The following ST8SIA4 variants were observed in gnomAD, a reference collection of about 807,000 sequenced individuals.
The protein encoded by ST8SIA4 is ST8 alpha-N-acetyl-neuraminide alpha-2,8-sialyltransferase 4.
ST8SIA4 carries 15 observed loss-of-function variants against 33.9 expected under a neutral mutation model. The ratio of observed to expected loss-of-function variants is 0.44; its 90% CI spans 0.30 to 0.68. The LOEUF is 0.68. Among genes scored for constraint, ST8SIA4 ranks in the 30% least tolerant of loss-of-function variants. The probability of loss-of-function intolerance (pLI) is 0.10; values close to 1 mark genes in which losing one functional copy is unlikely to be tolerated. For missense variants in ST8SIA4, 321 were observed against 428.0 expected (o/e 0.75, Z 2.21); for synonymous variants, 171 against 151.2 (o/e 1.13, Z -0.96).
In ST8SIA4 at chr5:100,902,923, G is replaced by A; in HGVS notation, c.33C>T (p.Cys11=). MRSIRKRWTI[C]TISLLLIFYK... is the part of the protein sequence containing the mutation. ...AAAAGATCAGGAGCAGACTTATTGT[G>A]CAGATCGTCCACCTCTTCCTAATGG... is the stretch of plus-strand genomic sequence containing the variant. The change falls in exon 1 of 5, where the codon TGC becomes TGT. Residue 11 remains cysteine (C), a synonymous_variant. Transcript: ENST00000231461. 1 of 1,614,170 alleles carries A rather than the reference G, an allele frequency of 6.2e-7. No individual in the cohort carries two copies.
intron 2 of ST8SIA4, among the ~76,000 whole-genome samples, chr5:100,888,151 C>T (rs1378174204): frequency 6.6e-6 from 1 of 150,870 alleles, no homozygotes; most frequent in Non-Finnish European, 1.5e-5. Flanking sequence ...GTTATTTACA[C>T]CTGGAACTAA....
chr5:100,845,000 C>T (rs1302446498), intron 4 of ST8SIA4, among the ~76,000 whole-genome samples: 3 of 152,034 alleles, frequency 2.0e-5, no homozygotes, highest in African/African-American at 7.2e-5. Flanking sequence ...CATGGCAATT[C>T]TAGTGGTCAA....
chr5:100,818,003 G>T (rs935618597), intron 4 of ST8SIA4, among the ~76,000 whole-genome samples: 1 of 152,136 alleles, frequency 6.6e-6, no homozygotes, highest in Non-Finnish European at 1.5e-5. Context: ...TATATGTGGT[G>T]CTTTTTCATT....
At chr5:100,831,433 A>G (rs1320648749) in intron 4 of ST8SIA4, among the ~76,000 whole-genome samples, 1 of 152,208 alleles carries the variant, frequency 6.6e-6, no homozygotes, top group Non-Finnish European at 1.5e-5. Context: ...GACATAAAAC[A>G]TTTATCAATT....
intron 4 of ST8SIA4, among the ~76,000 whole-genome samples, chr5:100,812,656 A>G (rs755498186): frequency 7.2e-5 from 11 of 152,200 alleles, no homozygotes; most frequent in Non-Finnish European, 1.3e-4. Flanking sequence ...TTACTAAAGC[A>G]AATTAGAAGC....
intron 4 of ST8SIA4, among the ~76,000 whole-genome samples, chr5:100,852,395 C>A (rs1336151202): frequency 6.6e-6 from 1 of 150,924 alleles, no homozygotes; most frequent in Admixed American, 6.6e-5. Context: ...GTGTTGGGAT[C>A]ACAGGCATGA....
At chr5:100,859,870 A>C (rs1403462279) in intron 3 of ST8SIA4, among the ~76,000 whole-genome samples, 1 of 152,114 alleles carries the variant, frequency 6.6e-6, no homozygotes, top group East Asian at 1.9e-4. Context: ...AGGAGATCCC[A>C]CTTGCATTTA....
chr5:100,892,281 C>T (rs1429005380), intron 2 of ST8SIA4, among the ~76,000 whole-genome samples: 1 of 152,124 alleles, frequency 6.6e-6, no homozygotes, highest in African/African-American at 2.4e-5. Context: ...TTATTCACAA[C>T]ATTTAATGCA....
At chr5:100,826,823 T>C (rs1186995553) in intron 4 of ST8SIA4, among the ~76,000 whole-genome samples, 2 of 151,902 alleles carry the variant, frequency 1.3e-5, no homozygotes, top group Non-Finnish European at 2.9e-5. Context: ...ATAACATGTA[T>C]AGTTATATGT....
intron 3 of ST8SIA4, among the ~76,000 whole-genome samples, chr5:100,881,098 A>G (rs1433980588): frequency 1.3e-5 from 2 of 152,208 alleles, no homozygotes; most frequent in Non-Finnish European, 2.9e-5. Flanking sequence ...CATGTAGGAA[A>G]TTCACCAACA....
At chr5:100,850,216 C>G (rs1221241856) in intron 4 of ST8SIA4, among the ~76,000 whole-genome samples, 1 of 151,822 alleles carries the variant, frequency 6.6e-6, no homozygotes, top group East Asian at 1.9e-4. Flanking sequence ...TGGTAAATAA[C>G]TTTAGAATTA....
rs1415785787 is a variant in ST8SIA4, at chr5:100,807,035, A to G, written c.*4812T>C. On this transcript the variant is annotated 3_prime_UTR_variant, in exon 5 of 5. Coordinates refer to ENST00000231461, the MANE Select transcript of ST8SIA4 (RefSeq NM_005668.6). ...ATTCATGGGGTTTTTGACATTGTTC[A>G]TATTCCCATGTATACACTTAAAAAT... 6.6e-6 allele frequency: 1 copy of G among 152,088 alleles called. No individual in the cohort carries two copies. 9.4% of individuals were successfully genotyped at this position (152,088 alleles called of 1,614,324 possible). A position where few individuals can be genotyped will look rare whatever the true frequency, so the allele number is the denominator to read the frequency against.
At position 100,807,421 on chromosome 5, in the gene ST8SIA4, T is replaced by G. The variant is rs563967543; in HGVS notation, c.*4426A>C. 8 of 152,646 alleles carry G rather than the reference T, an allele frequency of 5.2e-5. No homozygotes were observed. In the South Asian group the frequency reaches 1.7e-3, roughly 32 times the overall value. 9.5% of individuals were successfully genotyped at this position (152,646 alleles called of 1,614,324 possible). On this transcript the variant is annotated 3_prime_UTR_variant, in exon 5 of 5. Transcript: ENST00000231461. ...TCTGTAAACTCTTTTTTTTTCCTGC[T>G]ATTTACATTTGAAACACTTGTGCTT...
chr5:100,890,695 C>A (rs974700531), intron 2 of ST8SIA4: 1 of 151,846 alleles, frequency 6.6e-6, no homozygotes, highest in African/African-American at 2.4e-5. Context: ...CTTTAACTGT[C>A]ATTTTGTGAT....
At position 100,896,976 on chromosome 5, in the gene ST8SIA4, A is replaced by G. The variant is rs1328042319; in HGVS notation, c.114-1191T>C. Among the ~76,000 whole-genome samples the G allele has an allele frequency of 3.3e-5, 5 of 152,294 alleles. 1 individual carries two copies. The highest frequency in any genetic ancestry group is 2.0e-4 in the Admixed American group (3 of 15,296). On this transcript the variant is annotated intron_variant, in intron 1 of 4. Transcript: ENST00000231461. ...AGACTCTATTCTCTTTCTAAGCCACAGTAGTCTTACCTTACCTTGAAAATT... is the reference window on the plus strand; with the variant it reads ...AGACTCTATTCTCTTTCTAAGCCACGGTAGTCTTACCTTACCTTGAAAATT...
intron 1 of ST8SIA4, among the ~76,000 whole-genome samples, chr5:100,897,647 T>A (rs1383115393): frequency 6.6e-6 from 1 of 152,142 alleles, no homozygotes; most frequent in Non-Finnish European, 1.5e-5. Flanking sequence ...AGCCTTATAG[T>A]TTGGTATTTT....
intron 4 of ST8SIA4, among the ~76,000 whole-genome samples, chr5:100,847,322 C>A (rs1751591298): frequency 6.6e-6 from 1 of 151,860 alleles, no homozygotes; most frequent in African/African-American, 2.4e-5. Context: ...CAAAACAATC[C>A]ATTAGAGTGA....
At chr5:100,815,260 T>C (rs1394440735) in intron 4 of ST8SIA4, among the ~76,000 whole-genome samples, 2 of 152,018 alleles carry the variant, frequency 1.3e-5, no homozygotes, top group African/African-American at 4.8e-5. Context: ...TCCATCCACA[T>C]AAGGATAATT....
intron 4 of ST8SIA4, 57 bp downstream of exon 4, chr5:100,856,045 GT>G (rs1014041060): frequency 1.8e-5 from 26 of 1,470,230 alleles, no homozygotes; most frequent in Non-Finnish European, 2.2e-5. Flanking sequence ...TAGTGAAAAT[GT>G]TTAGTTATAT....
Sources: gnomAD v4.1 joint callset for allele counts (sites outside exome capture counted in the v4.1 genomes callset) on GRCh38, gnomAD v4.1.1 for gene constraint, MANE v1.5 for transcripts, NCBI Gene and HGNC (gene_info 2026-07-23, HGNC 2026-07-21) for gene names.